The following RNF138 variants were observed in gnomAD, a reference collection of about 807,000 sequenced individuals.
RNF138 encodes the protein E3 ubiquitin-protein ligase RNF138.
RNF138 carries 12 observed loss-of-function variants against 31.0 expected under a neutral mutation model. The observed-to-expected ratio is 0.39, with a 90% CI of 0.25 to 0.63. The LOEUF is 0.63. Ranked by LOEUF, RNF138 falls within the 20% of genes least tolerant of loss-of-function variation. The probability of loss-of-function intolerance (pLI) is 0.52; values close to 1 mark genes in which losing one functional copy is unlikely to be tolerated. For synonymous variants in RNF138, 105 were observed against 99.5 expected, an observed-to-expected ratio of 1.06 and a Z score of -0.33; for missense variants, 192 against 300.1, an observed-to-expected ratio of 0.64 and a Z score of 2.66.
At chr18:32,115,787 A>C (rs1484850582) in intron 4 of RNF138, among the ~76,000 whole-genome samples, 1 of 151,900 alleles carries the variant, frequency 6.6e-6, no homozygotes, top group East Asian at 1.9e-4. Flanking sequence ...GCACACACAC[A>C]CTTCCTTATT....
intron 2 of RNF138, among the ~76,000 whole-genome samples, chr18:32,104,961 G>A (rs1462028731): frequency 6.6e-6 from 1 of 151,992 alleles, no homozygotes; most frequent in Non-Finnish European, 1.5e-5. Context: ...CATGCAGATA[G>A]CACAACCCTA....
At chr18:32,096,450 T>C (rs1568223223) in intron 2 of RNF138, among the ~76,000 whole-genome samples, 2 of 152,206 alleles carry the variant, frequency 1.3e-5, no homozygotes, top group East Asian at 3.9e-4. Flanking sequence ...TATGTAGATC[T>C]GGAATACATG....
intron 2 of RNF138, among the ~76,000 whole-genome samples, chr18:32,099,290 T>C (rs749081700): frequency 6.6e-6 from 1 of 152,242 alleles, no homozygotes; most frequent in Non-Finnish European, 1.5e-5. Flanking sequence ...TCTAGCACTT[T>C]GATCCATTCC....
At chr18:32,102,676 A>G (rs1290019204) in intron 2 of RNF138, among the ~76,000 whole-genome samples, 2 of 151,726 alleles carry the variant, frequency 1.3e-5, no homozygotes, top group East Asian at 3.9e-4. Context: ...TCCGTTGCCC[A>G]GGCTGGAGTA....
At chr18:32,101,304 C>A (rs1030160157) in intron 2 of RNF138, among the ~76,000 whole-genome samples, 8 of 151,450 alleles carry the variant, frequency 5.3e-5, no homozygotes, top group Middle Eastern at 3.2e-3. Flanking sequence ...CTGTAACCTC[C>A]GCCTCCTAGG....
intron 2 of RNF138, among the ~76,000 whole-genome samples, chr18:32,107,886 G>A (rs981365110): frequency 2.0e-5 from 3 of 150,338 alleles, no homozygotes; most frequent in Non-Finnish European, 4.4e-5. Flanking sequence ...TTTTGGAGAC[G>A]GATTCTCGCT....
intron 2 of RNF138, among the ~76,000 whole-genome samples, chr18:32,104,013 CTTTTT>C (rs745696010): frequency 1.5e-5 from 2 of 130,830 alleles, no homozygotes; most frequent in African/African-American, 2.9e-5. Flanking sequence ...GGCTAAAAAA[CTTTTT>C]TTTTTTTTTT....
intron 7 of RNF138, among the ~76,000 whole-genome samples, chr18:32,128,645 T>C (rs1389386750): frequency 6.7e-6 from 1 of 150,288 alleles, no homozygotes; most frequent in Non-Finnish European, 1.5e-5. Flanking sequence ...TTTATGATTG[T>C]GTGTTATGAT....
intron 4 of RNF138, among the ~76,000 whole-genome samples, chr18:32,118,810 A>G (rs1245523354): frequency 6.6e-6 from 1 of 152,204 alleles, no homozygotes. Context: ...AGCCTGGGCG[A>G]CAGAGCGAGA....
chr18:32,109,351 C>T (rs1175715300), intron 2 of RNF138: 1 of 152,276 alleles, frequency 6.6e-6, no homozygotes, highest in East Asian at 1.9e-4. Context: ...GTTGCCCAGG[C>T]TGGTCTTGTG....
In RNF138 at chr18:32,097,944, A is replaced by G. The variant is rs138018868; in HGVS notation, c.110+5058A>G. Among the ~76,000 whole-genome samples, 772 of 87,362 alleles carry G rather than the reference A, an allele frequency of 8.8e-3. 2 individuals are homozygous for G. The highest frequency in any genetic ancestry group is 0.018 in the African/African-American group (508 of 28,622). The allele number at this position is 87,362 out of a possible 152,430, so 57.3% of individuals were successfully genotyped here. ...TGTGTGTGTATATGTGTATGTATAT[A>G]TGTGTGTGTGTGTGTGTGTGTGTGT... On this transcript the variant is annotated intron_variant, in intron 2 of 7. Transcript: ENST00000261593.
intron 2 of RNF138, among the ~76,000 whole-genome samples, chr18:32,102,203 T>C (rs1372388599): frequency 2.3e-5 from 3 of 133,184 alleles, no homozygotes; most frequent in Admixed American, 7.4e-5. Context: ...TTCTTTTTTT[T>C]TTTTTTTTTT....
intron 2 of RNF138, among the ~76,000 whole-genome samples, chr18:32,108,114 C>T (rs1312977214): frequency 6.6e-6 from 1 of 152,152 alleles, no homozygotes; most frequent in Non-Finnish European, 1.5e-5. Context: ...CTCGGCTCCT[C>T]AAGGTGCTGG....
chr18:32,108,896 GGCCTCAAGTAATCCTCCC>G (rs571556770), intron 2 of RNF138, among the ~76,000 whole-genome samples: 50 of 152,106 alleles, frequency 3.3e-4, no homozygotes, highest in Admixed American at 1.4e-3. Context: ...TGTCCAGGCT[GGCCTCAAGTAATCCTCCC>G]GCCTTGGCCT....
intron 4 of RNF138, among the ~76,000 whole-genome samples, chr18:32,119,918 G>A (rs2040276881): frequency 6.7e-6 from 1 of 150,076 alleles, no homozygotes; most frequent in African/African-American, 2.5e-5. Context: ...CAGCAGCTTT[G>A]ATGATTTGTT....
chr18:32,101,813 G>A (rs1051456427), intron 2 of RNF138, among the ~76,000 whole-genome samples: 2 of 152,118 alleles, frequency 1.3e-5, no homozygotes, highest in Admixed American at 6.5e-5. Flanking sequence ...TCATAGTGGT[G>A]TCTAGAAGTC....
intron 7 of RNF138, 52 bp downstream of exon 7, chr18:32,126,852 A>G: frequency 8.7e-7 from 1 of 1,155,144 alleles, no homozygotes; most frequent in East Asian, 2.4e-5. Context: ...TTAAAGTTAA[A>G]ATAACTTTTT....
intron 2 of RNF138, among the ~76,000 whole-genome samples, chr18:32,100,892 A>G (rs2039926302): frequency 6.6e-6 from 1 of 152,194 alleles, no homozygotes; most frequent in Non-Finnish European, 1.5e-5. Context: ...GGCCTGAGCC[A>G]CTGCGCCTGG....
At chr18:32,100,768 G>A (rs988207483) in intron 2 of RNF138, among the ~76,000 whole-genome samples, 3 of 151,938 alleles carry the variant, frequency 2.0e-5, no homozygotes, top group African/African-American at 7.3e-5. Context: ...GAGCCCCCGC[G>A]CCCGGCCTGT....
Sources: allele counts gnomAD v4.1 joint callset (sites outside exome capture counted in the v4.1 genomes callset), GRCh38; gene constraint gnomAD v4.1.1; transcripts MANE v1.5; gene names NCBI Gene and HGNC (gene_info 2026-07-23, HGNC 2026-07-21).